LRTM3: variants seen among roughly 807,000 people sequenced by gnomAD.
LRTM3 encodes leucine-rich repeat transmembrane protein 3.
the LRTM3 span, chr13:102,744,241 C>G: frequency 6.5e-7 from 1 of 1,550,344 alleles, no homozygotes; most frequent in Non-Finnish European, 8.7e-7. Flanking sequence ...ATTTGGGACT[C>G]ATACTTTTCT....
At chr13:102,738,687 G>A in the LRTM3 span, 4 of 1,550,574 alleles carry the variant, frequency 2.6e-6, no homozygotes, top group South Asian at 1.2e-5. Flanking sequence ...TGGAGATTTG[G>A]TTGTGAAAAA....
the LRTM3 span, chr13:102,734,714 C>T: frequency 1.3e-6 from 2 of 1,551,134 alleles, no homozygotes; most frequent in East Asian, 2.4e-5. Flanking sequence ...TCTTTTAAGT[C>T]TTAGCATTTC....
the LRTM3 span, chr13:102,748,616 A>G: frequency 2.2e-5 from 34 of 1,550,626 alleles, no homozygotes; most frequent in Non-Finnish European, 2.8e-5. Context: ...AGGTTTTGAT[A>G]TAGCTTCTTC....
chr13:102,734,922 A>G, the LRTM3 span: 1 of 1,551,056 alleles, frequency 6.4e-7, no homozygotes, highest in Non-Finnish European at 8.7e-7. Flanking sequence ...TTTTGTAGAT[A>G]GATTAAAATA....
the LRTM3 span, chr13:102,749,829 C>G: frequency 6.4e-7 from 1 of 1,551,338 alleles, no homozygotes; most frequent in Non-Finnish European, 8.7e-7. Context: ...ACAGAAATAA[C>G]CATTCCAACA....
chr13:102,745,427 T>C, the LRTM3 span: 1 of 1,550,788 alleles, frequency 6.4e-7, no homozygotes, highest in African/African-American at 1.4e-5. Context: ...CAGGAAAGCA[T>C]ATGTTTCATC....
the LRTM3 span, chr13:102,729,600 GAATGGTT>G: frequency 6.5e-7 from 1 of 1,538,724 alleles, no homozygotes; most frequent in East Asian, 2.4e-5. Flanking sequence ...ATAGTCCAGC[GAATGGTT>G]TTGGGTATAA....
chr13:102,732,972 G>A, the LRTM3 span: 3 of 1,551,428 alleles, frequency 1.9e-6, no homozygotes, highest in Non-Finnish European at 2.6e-6. Flanking sequence ...CCTTCCTCTT[G>A]TTCTGAAATG....
At chr13:102,748,545 C>T in the LRTM3 span, 1 of 1,550,710 alleles carries the variant, frequency 6.4e-7, no homozygotes, top group South Asian at 1.2e-5. Flanking sequence ...CTTTGTAGGT[C>T]CTCCTGTATT....
chr13:102,751,730 G>C, the LRTM3 span, among the ~76,000 whole-genome samples: 1 of 152,000 alleles, frequency 6.6e-6, no homozygotes, highest in Non-Finnish European at 1.5e-5. Context: ...AATAGTGAAG[G>C]CAGTATATGA....
chr13:102,732,531 A>G, the LRTM3 span: 2 of 1,551,262 alleles, frequency 1.3e-6, no homozygotes, highest in East Asian at 4.9e-5. Flanking sequence ...CTTTGAAATA[A>G]TTTTTGTAGT....
At chr13:102,746,881 G>C in the LRTM3 span, 1 of 1,551,296 alleles carries the variant, frequency 6.4e-7, no homozygotes, top group Non-Finnish European at 8.7e-7. Context: ...TGCATTTGCA[G>C]TCTGTTTGTG....
At chr13:102,739,482 T>C in the LRTM3 span, 1 of 1,550,588 alleles carries the variant, frequency 6.4e-7, no homozygotes, top group African/African-American at 1.4e-5. Context: ...GCTTTTGTTC[T>C]TGAATTTGAA....
At chr13:102,756,789 A>C in the LRTM3 span, among the ~76,000 whole-genome samples, 1 of 151,404 alleles carries the variant, frequency 6.6e-6, no homozygotes, top group Non-Finnish European at 1.5e-5. Flanking sequence ...CTGCTGCCAC[A>C]GGAGCCATAT....
the LRTM3 span, chr13:102,748,226 G>C: frequency 6.4e-7 from 1 of 1,551,154 alleles, no homozygotes; most frequent in Middle Eastern, 1.7e-4. Flanking sequence ...GTTACTTCCA[G>C]TGTTGCATTC....
chr13:102,739,477 T>C, the LRTM3 span: 32 of 1,550,474 alleles, frequency 2.1e-5, no homozygotes, highest in Non-Finnish European at 2.6e-5. Flanking sequence ...TACCTGCTTT[T>C]GTTCTTGAAT....
At chr13:102,742,184 A>C in the LRTM3 span, 1 of 1,550,486 alleles carries the variant, frequency 6.4e-7, no homozygotes, top group Non-Finnish European at 8.7e-7. Flanking sequence ...ACTCAGCTGG[A>C]ATGACTTCTG....
the LRTM3 span, among the ~76,000 whole-genome samples, chr13:102,757,529 G>T: frequency 7.9e-5 from 12 of 152,148 alleles, no homozygotes; most frequent in Non-Finnish European, 1.6e-4. Context: ...ACTACTTCCT[G>T]ACTCAACCTC....
the LRTM3 span, chr13:102,737,608 C>T: frequency 6.4e-7 from 1 of 1,550,502 alleles, no homozygotes; most frequent in Admixed American, 2.0e-5. Context: ...GTGAAAGTGC[C>T]TTCTTTCCTT....
Sources: gnomAD v4.1 joint callset for allele counts (sites outside exome capture counted in the v4.1 genomes callset) on GRCh38, gnomAD v4.1.1 for gene constraint, MANE v1.5 for transcripts, NCBI Gene and HGNC (gene_info 2026-07-23, HGNC 2026-07-21) for gene names.